GALNT10: variants seen among roughly 807,000 people sequenced by gnomAD.
GALNT10 encodes GalNAc transferase 10.
GALNT10 carries 41 observed loss-of-function variants against 75.0 expected under a neutral mutation model. The ratio of observed to expected loss-of-function variants is 0.55; its 90% CI spans 0.43 to 0.71. The LOEUF (loss-of-function observed/expected upper bound fraction) is 0.71. Among genes scored for constraint, GALNT10 ranks in the 30% least tolerant of loss-of-function variants. The pLI is 0.00. For synonymous variants in GALNT10, 302 were observed against 313.0 expected, an observed-to-expected ratio of 0.96 and a Z score of 0.37; for missense variants, 727 against 818.5, an observed-to-expected ratio of 0.89 and a Z score of 1.36.
intron 3 of GALNT10, among the ~76,000 whole-genome samples, chr5:154,316,486 G>A (rs188413452): frequency 9.8e-5 from 15 of 152,328 alleles, no homozygotes; most frequent in African/African-American, 3.1e-4. Flanking sequence ...GCATGAGGCT[G>A]TGCCACTAAT....
intron 6 of GALNT10, among the ~76,000 whole-genome samples, chr5:154,385,749 A>G (rs1468658585): frequency 6.6e-6 from 1 of 152,228 alleles, no homozygotes; most frequent in Non-Finnish European, 1.5e-5. Context: ...CTGAAAAGAC[A>G]GAGACAGTGG....
intron 4 of GALNT10, among the ~76,000 whole-genome samples, chr5:154,353,298 G>C (rs153412): frequency 0.4 from 60,987 of 151,908 alleles, 14,138 homozygotes; most frequent in East Asian, 0.85. Context: ...ACCACCCCCC[G>C]CAAAACGACC....
intron 4 of GALNT10, among the ~76,000 whole-genome samples, chr5:154,331,817 C>A (rs1274117446): frequency 6.6e-6 from 1 of 152,158 alleles, no homozygotes; most frequent in African/African-American, 2.4e-5. Context: ...TAAAATATGT[C>A]CCTGTCCCTT....
intron 3 of GALNT10, among the ~76,000 whole-genome samples, chr5:154,327,017 A>G (rs1250873820): frequency 3.9e-5 from 6 of 152,176 alleles, no homozygotes; most frequent in Non-Finnish European, 1.5e-5. Context: ...ATATATTCAT[A>G]CCAGCCTGGG....
chr5:154,213,191 C>G (rs1002627570), intron 1 of GALNT10, among the ~76,000 whole-genome samples: 2 of 152,170 alleles, frequency 1.3e-5, no homozygotes, highest in African/African-American at 2.4e-5. Flanking sequence ...TCAAACACAG[C>G]TATGCTCTCC....
At chr5:154,324,016 A>G (rs933774331) in intron 3 of GALNT10, among the ~76,000 whole-genome samples, 1 of 152,212 alleles carries the variant, frequency 6.6e-6, no homozygotes, top group Non-Finnish European at 1.5e-5. Context: ...TGGATGTGAA[A>G]GTGGTCTGTG....
chr5:154,205,098 G>A (rs564466289), intron 1 of GALNT10, among the ~76,000 whole-genome samples: 49 of 152,174 alleles, frequency 3.2e-4, no homozygotes, highest in Non-Finnish European at 6.3e-4. Flanking sequence ...GGTGTTGTGG[G>A]AAATTGCACA....
At chr5:154,330,515 G>A (rs912604134) in intron 4 of GALNT10, among the ~76,000 whole-genome samples, 1 of 152,138 alleles carries the variant, frequency 6.6e-6, no homozygotes, top group African/African-American at 2.4e-5. Flanking sequence ...TGTGGTGACC[G>A]AACCATGTCT....
chr5:154,315,984 C>G (rs1005357735), intron 3 of GALNT10, among the ~76,000 whole-genome samples: 2 of 152,208 alleles, frequency 1.3e-5, no homozygotes, highest in South Asian at 2.1e-4. Context: ...TAGCTAATAA[C>G]CTTTGGTCTT....
At chr5:154,193,580 A>G (rs1284990161) in intron 1 of GALNT10, among the ~76,000 whole-genome samples, 2 of 152,228 alleles carry the variant, frequency 1.3e-5, no homozygotes, top group East Asian at 3.8e-4. Context: ...GTAATTGTTG[A>G]GAATCATCTT....
chr5:154,195,136 C>T (rs1356746464), intron 1 of GALNT10, among the ~76,000 whole-genome samples: 1 of 152,232 alleles, frequency 6.6e-6, no homozygotes, highest in African/African-American at 2.4e-5. Context: ...AACCATCTAG[C>T]TTGCTAATTG....
chr5:154,328,206 C>T (rs7700250), intron 3 of GALNT10, among the ~76,000 whole-genome samples: 8,908 of 152,166 alleles, frequency 0.059, 805 homozygotes, highest in African/African-American at 0.2. Context: ...AAAGACGTAA[C>T]ATCAGGGAAA....
intron 7 of GALNT10, among the ~76,000 whole-genome samples, chr5:154,393,752 G>A (rs1755956528): frequency 6.6e-6 from 1 of 152,116 alleles, no homozygotes; most frequent in African/African-American, 2.4e-5. Context: ...AAGGTAGGAG[G>A]AGGATTCCTT....
At chr5:154,345,105 T>A (rs1313739463) in intron 4 of GALNT10, among the ~76,000 whole-genome samples, 1 of 152,174 alleles carries the variant, frequency 6.6e-6, no homozygotes, top group Non-Finnish European at 1.5e-5. Flanking sequence ...CTTGGCTGAC[T>A]TAATATAATG....
At chr5:154,193,341 T>A (rs542895813) in intron 1 of GALNT10, among the ~76,000 whole-genome samples, 16 of 152,306 alleles carry the variant, frequency 1.1e-4, no homozygotes, top group African/African-American at 3.6e-4. Flanking sequence ...TTTGTTTCAC[T>A]CTCCCACAGA....
intron 4 of GALNT10, among the ~76,000 whole-genome samples, chr5:154,346,180 C>T (rs912838565): frequency 6.6e-6 from 1 of 151,446 alleles, no homozygotes; most frequent in African/African-American, 2.4e-5. Flanking sequence ...TACACACACA[C>T]CACATTTTCT....
chr5:154,229,675 G>A (rs1425470920), intron 1 of GALNT10, among the ~76,000 whole-genome samples: 1 of 152,172 alleles, frequency 6.6e-6, no homozygotes, highest in Non-Finnish European at 1.5e-5. Flanking sequence ...GCACCTTGCG[G>A]TGAGCCGAGA....
intron 3 of GALNT10, among the ~76,000 whole-genome samples, chr5:154,318,908 A>G (rs1754636103): frequency 6.6e-6 from 1 of 152,216 alleles, no homozygotes; most frequent in South Asian, 2.1e-4. Context: ...CCATAAACCA[A>G]AGGATAGTGA....
intron 1 of GALNT10, among the ~76,000 whole-genome samples, chr5:154,281,204 T>C (rs1236245840): frequency 3.3e-5 from 5 of 152,234 alleles, no homozygotes; most frequent in African/African-American, 1.2e-4. Flanking sequence ...ACATGACATA[T>C]CTCTCCATTT....
Sources: allele counts gnomAD v4.1 joint callset (sites outside exome capture counted in the v4.1 genomes callset), GRCh38; gene constraint gnomAD v4.1.1; transcripts MANE v1.5; gene names NCBI Gene and HGNC (gene_info 2026-07-23, HGNC 2026-07-21).